Variants in PPP4R4 observed in about 807,000 individuals in gnomAD.
PPP4R4 encodes the protein serine/threonine-protein phosphatase 4 regulatory subunit 4.
In PPP4R4, 70 loss-of-function variants were observed where a neutral mutation model predicts 121.8. The observed-to-expected ratio is 0.57, with a 90% confidence interval of 0.47 to 0.70. The LOEUF (loss-of-function observed/expected upper bound fraction) is 0.70, where lower values mean the gene tolerates loss of function less well. Ranked by LOEUF, PPP4R4 falls within the 30% of genes least tolerant of loss-of-function variation. The pLI is 0.00. For synonymous variants in PPP4R4, 348 were observed against 355.7 expected, an observed-to-expected ratio of 0.98 and a Z score of 0.24; for missense variants, 875 against 1,033.6, an observed-to-expected ratio of 0.85 and a Z score of 2.10.
chr14:94,177,060 T>C (rs558093370), intron 2 of PPP4R4, among the ~76,000 whole-genome samples: 59 of 152,238 alleles, frequency 3.9e-4, no homozygotes, highest in Non-Finnish European at 7.9e-4. Flanking sequence ...ATGTTACTCA[T>C]TGAATGATTC....
Position 94,272,386 on chromosome 14 carries a change from A to C in PPP4R4, c.2450-2988A>C, listed in dbSNP as rs10129649. On this transcript the variant is annotated intron_variant, in intron 23 of 24. Transcript: ENST00000304338. The stretch of plus-strand genomic sequence containing the variant: ...GTAGTCACATGATCATTAACAAAGG[A>C]GCAAAGCCAATACAATGGAGAAAAG... Among the ~76,000 whole-genome samples the C allele has an allele frequency of 2.0e-3, 302 of 152,304 alleles. 1 individual carries two copies. Among genetic ancestry groups the C allele is most frequent in the African/African-American group, 6.9e-3 (287 of 41,582 alleles).
In PPP4R4 at chr14:94,259,725, C is replaced by T. The variant is rs147830008; in HGVS notation, c.2127+356C>T. Reference sequence around the variant, plus strand: ...GTAATCCATGTCTTCTACTCTAGTCCCCAACAACCAATGATATAGTTTCTG... The same window carrying T: ...GTAATCCATGTCTTCTACTCTAGTCTCCAACAACCAATGATATAGTTTCTG... On this transcript the variant is annotated intron_variant, in intron 19 of 24. Coordinates refer to ENST00000304338, the MANE Select transcript of PPP4R4 (RefSeq NM_058237.2). Among the ~76,000 whole-genome samples, 1,290 of 152,230 alleles carry T rather than the reference C, an allele frequency of 8.5e-3. 5 individuals are homozygous for T. Among genetic ancestry groups the T allele is most frequent in the South Asian group, 0.013 (62 of 4,818 alleles).
chr14:94,242,076 A>G, intron 10 of PPP4R4, 119 bp downstream of exon 10: 2 of 1,157,780 alleles, frequency 1.7e-6, no homozygotes, highest in Non-Finnish European at 2.5e-6. Flanking sequence ...TGTCTAGCAT[A>G]CATAGTATGT....
intron 3 of PPP4R4, chr14:94,227,650 C>A (rs1891791020): frequency 8.9e-7 from 1 of 1,127,396 alleles, no homozygotes; most frequent in Admixed American, 4.7e-5. Context: ...GAGAGCTTCT[C>A]ATGTTCTTCC....
intron 2 of PPP4R4, among the ~76,000 whole-genome samples, chr14:94,203,524 T>C (rs972886030): frequency 6.6e-6 from 1 of 152,216 alleles, no homozygotes; most frequent in Non-Finnish European, 1.5e-5. Context: ...TAAACATTCA[T>C]CCACAAGTTT....
At chr14:94,178,311 C>T (rs1888788567) in intron 2 of PPP4R4, among the ~76,000 whole-genome samples, 1 of 151,426 alleles carries the variant, frequency 6.6e-6, no homozygotes, top group South Asian at 2.1e-4. Flanking sequence ...TTACCTTTTC[C>T]TCTGCATTGA....
intron 19 of PPP4R4, among the ~76,000 whole-genome samples, chr14:94,260,540 G>A (rs771217617): frequency 6.6e-6 from 1 of 151,898 alleles, no homozygotes; most frequent in Non-Finnish European, 1.5e-5. Context: ...GGTATGTAAT[G>A]GTATCTCATT....
Position 94,279,266 on chromosome 14 carries a change from A to T in PPP4R4, c.*623A>T, listed in dbSNP as rs1033926497. On this transcript the variant is annotated 3_prime_UTR_variant, in exon 25 of 25. Coordinates refer to ENST00000304338, the MANE Select transcript of PPP4R4 (RefSeq NM_058237.2). Reference sequence around the variant, plus strand: ...TCCACAAAGATTTCTGGTAACTTTGAGCTATAAATACCTTAAAAATAATAG... The same window carrying T: ...TCCACAAAGATTTCTGGTAACTTTGTGCTATAAATACCTTAAAAATAATAG... 1 of 152,656 alleles carries T rather than the reference A, an allele frequency of 6.6e-6. No homozygotes were observed. The highest frequency in any genetic ancestry group is 2.4e-5 in the African/African-American group (1 of 41,450). The allele number at this position is 152,656 out of a possible 1,614,324, so 9.5% of individuals were successfully genotyped here. A position where few individuals can be genotyped will look rare whatever the true frequency, so the allele number is the denominator to read the frequency against.
chr14:94,191,603 T>A (rs1019511104), intron 2 of PPP4R4, among the ~76,000 whole-genome samples: 4 of 152,154 alleles, frequency 2.6e-5, no homozygotes, highest in African/African-American at 9.7e-5. Context: ...ATTCCTCCTA[T>A]CTTGCTGTAT....
At chr14:94,265,026 AT>A in intron 20 of PPP4R4, 79 bp downstream of exon 20, 1 of 1,202,394 alleles carries the variant, frequency 8.3e-7, no homozygotes, top group Non-Finnish European at 1.2e-6. Flanking sequence ...ACCATGCTGA[AT>A]TTTTTATTTG....
At chr14:94,220,984 C>A (rs1293085295) in intron 3 of PPP4R4, among the ~76,000 whole-genome samples, 1 of 151,888 alleles carries the variant, frequency 6.6e-6, no homozygotes, top group Admixed American at 6.6e-5. Context: ...TACCTGATTT[C>A]AAGACATAAT....
chr14:94,181,268 G>C (rs1888977134), intron 2 of PPP4R4, among the ~76,000 whole-genome samples: 1 of 151,962 alleles, frequency 6.6e-6, no homozygotes, highest in South Asian at 2.1e-4. Flanking sequence ...GAGAGGAAGA[G>C]AGAGAGATCA....
chr14:94,184,812 A>T (rs1889177716), intron 2 of PPP4R4, among the ~76,000 whole-genome samples: 1 of 152,202 alleles, frequency 6.6e-6, no homozygotes, highest in Non-Finnish European at 1.5e-5. Flanking sequence ...AAAATCTATT[A>T]TACCCTTAGA....
intron 11 of PPP4R4, among the ~76,000 whole-genome samples, chr14:94,243,265 G>T (rs1892724772): frequency 1.3e-5 from 2 of 152,118 alleles, no homozygotes. Context: ...CAAAATCCTG[G>T]ACATCTTCTC....
chr14:94,218,733 C>T (rs1891207119), intron 3 of PPP4R4, among the ~76,000 whole-genome samples: 1 of 97,794 alleles, frequency 1.0e-5, no homozygotes, highest in East Asian at 3.7e-4. Context: ...AGACACCGCA[C>T]GTGCGCGCGC....
chr14:94,256,005 T>C (rs916351358), intron 16 of PPP4R4, among the ~76,000 whole-genome samples: 1 of 152,228 alleles, frequency 6.6e-6, no homozygotes. Flanking sequence ...GCTGTGATGC[T>C]CTTTTCCAGA....
At chr14:94,258,762 T>C in intron 17 of PPP4R4, 21 bp from the exon 18 acceptor site, 1 of 1,520,064 alleles carries the variant, frequency 6.6e-7, no homozygotes, top group South Asian at 1.2e-5. Flanking sequence ...TTTAGAATAA[T>C]TTTAAAAACT....
At chr14:94,193,144 T>A (rs1196182172) in intron 2 of PPP4R4, among the ~76,000 whole-genome samples, 1 of 152,216 alleles carries the variant, frequency 6.6e-6, no homozygotes, top group Non-Finnish European at 1.5e-5. Flanking sequence ...GCATCATTGA[T>A]CATTGAGGAC....
chr14:94,174,369 A>T lies in PPP4R4; in HGVS notation c.-97A>T. The T allele has an allele frequency of 8.9e-7, 1 of 1,118,272 alleles. No homozygotes were observed. Among genetic ancestry groups the T allele is most frequent in the South Asian group, 3.0e-5 (1 of 33,462 alleles). 69.3% of individuals were successfully genotyped at this position (1,118,272 alleles called of 1,614,324 possible). Reference sequence around the variant, plus strand: ...CTCACGCTCGGCTCCAGCGGCCAAGAGCCGGAGAAAGTCCTGCTGGTGGGC... The same window carrying T: ...CTCACGCTCGGCTCCAGCGGCCAAGTGCCGGAGAAAGTCCTGCTGGTGGGC... On this transcript the variant is annotated 5_prime_UTR_variant, in exon 1 of 25. Coordinates refer to ENST00000304338, the MANE Select transcript of PPP4R4 (RefSeq NM_058237.2).
Sources: allele counts gnomAD v4.1 joint callset (sites outside exome capture counted in the v4.1 genomes callset), GRCh38; gene constraint gnomAD v4.1.1; transcripts MANE v1.5; gene names NCBI Gene and HGNC (gene_info 2026-07-23, HGNC 2026-07-21).